PCSK5: variants seen among roughly 807,000 people sequenced by gnomAD.
PCSK5 encodes the protein prohormone convertase 5.
In PCSK5, 129 loss-of-function variants were observed where a neutral mutation model predicts 233.2. That is an observed-to-expected ratio of 0.55 (90% CI 0.48 to 0.64). The LOEUF (loss-of-function observed/expected upper bound fraction) is 0.64. PCSK5 is among the 30% of genes least tolerant of loss of function. The pLI is 0.00. For missense variants in PCSK5, 2,076 were observed against 2,430.1 expected (o/e 0.85, Z 3.06); for synonymous variants, 825 against 879.2 (o/e 0.94, Z 1.09).
At position 76,321,404 on chromosome 9, in the gene PCSK5, T is replaced by C. The variant is rs768061559; in HGVS notation, c.3885-18T>C. ...AGCAGGTCAGCTTCTCCAGTTGCAC[T>C]CTGTCTTCCTTCCACAGGGGCTCTT... On this transcript the variant is annotated intron_variant, in intron 30 of 37. Transcript: ENST00000674117. 7.3e-7 allele frequency: 1 copy of C among 1,370,256 alleles called. No individual in the cohort carries two copies. The highest frequency in any genetic ancestry group is 1.0e-6 in the Non-Finnish European group (1 of 959,378). The allele number at this position is 1,370,256 out of a possible 1,614,324, so 84.9% of individuals were successfully genotyped here.
intron 17 of PCSK5, among the ~76,000 whole-genome samples, 153 bp downstream of exon 17, chr9:76,184,910 A>C (rs1464000761): frequency 6.6e-6 from 1 of 152,218 alleles, no homozygotes; most frequent in Admixed American, 6.5e-5. Context: ...TATTTGCATT[A>C]TCTCTGCTAT....
At position 76,051,394 on chromosome 9, in the gene PCSK5, A is replaced by G. The variant is rs149979152; in HGVS notation, c.633-16561A>G. On this transcript the variant is annotated intron_variant, in intron 5 of 37. Coordinates refer to ENST00000674117, the MANE Select transcript of PCSK5 (RefSeq NM_001372043.1). ...CAGGCCCCAGAAATGCTTAGGACAT[A>G]GTATGTGAATTATTTAGACTTGAGA... is the stretch of plus-strand genomic sequence containing the variant. Among the ~76,000 whole-genome samples, 123 of 152,348 alleles carry G rather than the reference A, an allele frequency of 8.1e-4. 2 individuals are homozygous for G. The East Asian group carries it at 0.021, about 26-fold the overall frequency.
intron 24 of PCSK5, among the ~76,000 whole-genome samples, chr9:76,290,283 C>T (rs2260502): frequency 0.22 from 33,077 of 152,098 alleles, 3,774 homozygotes; most frequent in Middle Eastern, 0.3. Flanking sequence ...AGATCCCCAG[C>T]CTATGAATTG....
intron 21 of PCSK5, among the ~76,000 whole-genome samples, chr9:76,232,926 T>C (rs1206940915): frequency 2.6e-5 from 4 of 152,158 alleles, no homozygotes; most frequent in African/African-American, 9.7e-5. Context: ...ACACTCAAAA[T>C]CAGAGTTCAT....
chr9:76,016,056 GT>G (rs1827935265), intron 3 of PCSK5, among the ~76,000 whole-genome samples: 1 of 152,230 alleles, frequency 6.6e-6, no homozygotes, highest in Non-Finnish European at 1.5e-5. Flanking sequence ...TAGGGGCTCA[GT>G]TTAAATGTTA....
At chr9:75,977,842 C>T (rs928582427) in intron 2 of PCSK5, among the ~76,000 whole-genome samples, 3 of 151,850 alleles carry the variant, frequency 2.0e-5, no homozygotes, top group Admixed American at 6.6e-5. Flanking sequence ...GAGCTCTGAC[C>T]TCAGATGATC....
chr9:75,911,209 T>TTG (rs1822717836), intron 1 of PCSK5, among the ~76,000 whole-genome samples: 1 of 125,412 alleles, frequency 8.0e-6, no homozygotes, highest in Admixed American at 7.8e-5. Context: ...AGGTTTTTTT[T>TTG]TTTTTTTTTT....
At chr9:76,155,563 A>C (rs548516354) in intron 10 of PCSK5, among the ~76,000 whole-genome samples, 1 of 152,350 alleles carries the variant, frequency 6.6e-6, no homozygotes, top group African/African-American at 2.4e-5. Flanking sequence ...ATAAAAGTGC[A>C]GTGCCTGATA....
At chr9:76,099,752 C>T (rs763203443) in intron 8 of PCSK5, among the ~76,000 whole-genome samples, 58 of 152,114 alleles carry the variant, frequency 3.8e-4, no homozygotes, top group Non-Finnish European at 6.9e-4. Context: ...CGGTGATGCC[C>T]GCATCCTGTT....
chr9:76,060,570 G>C (rs954326156), intron 5 of PCSK5, among the ~76,000 whole-genome samples: 1 of 152,108 alleles, frequency 6.6e-6, no homozygotes, highest in African/African-American at 2.4e-5. Flanking sequence ...GGGTTCAACT[G>C]TATTTGTAAA....
intron 7 of PCSK5, among the ~76,000 whole-genome samples, chr9:76,075,843 A>G (rs1413370302): frequency 6.6e-6 from 1 of 152,222 alleles, no homozygotes; most frequent in East Asian, 1.9e-4. Flanking sequence ...TCATCATATT[A>G]AGCTTAGCGA....
At chr9:76,204,933 C>T (rs2131275504) in intron 20 of PCSK5, among the ~76,000 whole-genome samples, 1 of 152,214 alleles carries the variant, frequency 6.6e-6, no homozygotes, top group East Asian at 1.9e-4. Flanking sequence ...TTACTGCAAC[C>T]TTTGTGAGTG....
chr9:76,284,875 C>T (rs1828013461), intron 24 of PCSK5, among the ~76,000 whole-genome samples: 2 of 152,074 alleles, frequency 1.3e-5, no homozygotes, highest in African/African-American at 4.8e-5. Flanking sequence ...GGTATTTCTT[C>T]ATAGCAGTAT....
chr9:75,994,974 C>T (rs539340436), intron 3 of PCSK5, among the ~76,000 whole-genome samples: 3 of 152,212 alleles, frequency 2.0e-5, no homozygotes, highest in East Asian at 1.9e-4. Context: ...CTTTCTACTT[C>T]GCTTTCTGCT....
chr9:76,194,513 CT>C (rs1479235337), intron 20 of PCSK5: 1 of 162,026 alleles, frequency 6.2e-6, no homozygotes, highest in Non-Finnish European at 1.4e-5. Context: ...CCTTTTAGTT[CT>C]CTTATTTTTC....
At chr9:76,093,927 G>A (rs1044138446) in intron 7 of PCSK5, among the ~76,000 whole-genome samples, 1 of 152,140 alleles carries the variant, frequency 6.6e-6, no homozygotes, top group African/African-American at 2.4e-5. Context: ...GATTGTCATA[G>A]CATTGAACAA....
At position 76,122,074 on chromosome 9, in the gene PCSK5, C is replaced by T. The variant is rs532668464; in HGVS notation, c.1209-12035C>T. Among the ~76,000 whole-genome samples, 12 of 43,908 alleles carry T rather than the reference C, an allele frequency of 2.7e-4. 5 individuals are homozygous for T. Among genetic ancestry groups the T allele is most frequent in the African/African-American group, 7.3e-4 (12 of 16,522 alleles). The allele number at this position is 43,908 out of a possible 152,430, so 28.8% of individuals were successfully genotyped here. ...TCCTGACCTCGTGATCCGCCCGCCT[C>T]GGCCTCCCAAAGTGCTGGGATTACA... On this transcript the variant is annotated intron_variant, in intron 9 of 37. Transcript: ENST00000674117.
intron 9 of PCSK5, among the ~76,000 whole-genome samples, chr9:76,119,594 T>C (rs899692912): frequency 1.3e-5 from 2 of 152,106 alleles, no homozygotes; most frequent in Non-Finnish European, 2.9e-5. Context: ...CATTTATTAA[T>C]TAATGACTGA....
At chr9:76,187,058 A>C (rs1400028035) in intron 17 of PCSK5, among the ~76,000 whole-genome samples, 1 of 152,210 alleles carries the variant, frequency 6.6e-6, no homozygotes, top group Non-Finnish European at 1.5e-5. Context: ...GGAAGGAAAT[A>C]AATTAAATGC....
Sources: gnomAD v4.1 joint callset for allele counts (sites outside exome capture counted in the v4.1 genomes callset) on GRCh38, gnomAD v4.1.1 for gene constraint, MANE v1.5 for transcripts, NCBI Gene and HGNC (gene_info 2026-07-23, HGNC 2026-07-21) for gene names.